Variants in IL17RD observed in about 807,000 individuals in gnomAD.
The protein encoded by IL17RD is interleukin-17 receptor D.
Under a neutral mutation model 80.5 loss-of-function variants are expected in IL17RD, and 52 were observed. That is an observed-to-expected ratio of 0.65 (90% CI 0.52 to 0.81). The LOEUF is 0.81. Ranked by LOEUF, IL17RD falls within the 40% of genes least tolerant of loss-of-function variation. The pLI, the probability that IL17RD is intolerant of heterozygous loss-of-function variation, is 0.00. For missense variants in IL17RD, 1,024 were observed against 955.1 expected (o/e 1.07, Z -0.95); for synonymous variants, 416 against 391.8 (o/e 1.06, Z -0.73).
rs758077492 is a variant in IL17RD at position 57,114,801 on chromosome 3, C to G, written c.201G>C (p.Leu67Phe). 31 of 1,605,774 alleles carry G rather than the reference C, an allele frequency of 1.9e-5. No homozygotes were observed. The highest frequency in any genetic ancestry group is 2.6e-5 in the Non-Finnish European group (31 of 1,176,782). The change falls in exon 3 of 13, where the codon TTG (leucine) becomes TTC (phenylalanine). Residue 67 changes from leucine to phenylalanine, a missense_variant. By Grantham distance (22) the Leu-to-Phe change is conservative. Coordinates refer to ENST00000296318, the MANE Select transcript of IL17RD (RefSeq NM_017563.5). ...TFKYDNCTTYLNPVGKHVIAD... is the reference protein window; with the variant it reads ...TFKYDNCTTYFNPVGKHVIAD... Reference sequence around the variant, plus strand: ...CAATCACATGCTTCCCCACTGGATTCAAGTAGGTGGTACAATCTAGAGAGT... The same window carrying G: ...CAATCACATGCTTCCCCACTGGATTGAAGTAGGTGGTACAATCTAGAGAGT...
At chr3:57,132,180 T>C (rs1707623534) in intron 1 of IL17RD, among the ~76,000 whole-genome samples, 1 of 150,216 alleles carries the variant, frequency 6.7e-6, no homozygotes, top group Non-Finnish European at 1.5e-5. Context: ...AGCAAGACAC[T>C]GTAAAAGAAG....
intron 1 of IL17RD, among the ~76,000 whole-genome samples, chr3:57,136,695 GC>G: frequency 1.5e-5 from 2 of 130,266 alleles, no homozygotes; most frequent in Non-Finnish European, 3.1e-5. Context: ...TATTTAACTT[GC>G]TTTTAGGATT....
chr3:57,148,324 CAAAAAAAAA>C (rs34343372), intron 1 of IL17RD, among the ~76,000 whole-genome samples: 1 of 104,074 alleles, frequency 9.6e-6, no homozygotes, highest in Non-Finnish European at 2.0e-5. Flanking sequence ...GACTCTATCT[CAAAAAAAAA>C]AAAAAAAGAA....
chr3:57,163,823 G>T (rs1468105929), intron 1 of IL17RD, among the ~76,000 whole-genome samples: 1 of 145,098 alleles, frequency 6.9e-6, no homozygotes, highest in African/African-American at 2.6e-5. Flanking sequence ...GGGGGCGGAG[G>T]CAGAGCAGGG....
At chr3:57,140,318 G>T (rs955405401) in intron 1 of IL17RD, among the ~76,000 whole-genome samples, 18 of 152,078 alleles carry the variant, frequency 1.2e-4, no homozygotes, top group African/African-American at 4.3e-4. Flanking sequence ...TCTAAATCAG[G>T]TCATTTTTTT....
At position 57,121,807 on chromosome 3, in the gene IL17RD, C is replaced by T. The variant is rs78859590; in HGVS notation, c.127-1494G>A. On this transcript the variant is annotated intron_variant, in intron 1 of 12. Coordinates refer to ENST00000296318, the MANE Select transcript of IL17RD (RefSeq NM_017563.5). The stretch of plus-strand genomic sequence containing the variant: ...ACACAACCAGGTAGGAGACCAGGAA[C>T]GAGACAATCCAATCCCCCAAGACCA... Among the ~76,000 whole-genome samples, 685 of 152,254 alleles carry T rather than the reference C, an allele frequency of 4.5e-3. 3 individuals carry two copies. Among genetic ancestry groups the T allele is most frequent in the Admixed American group, 7.1e-3 (108 of 15,294 alleles).
rs1056559116 is a variant in IL17RD at position 57,091,551 on chromosome 3, T to G, written c.*4842A>C. The G allele has an allele frequency of 6.6e-6, 1 of 152,542 alleles. No individual in the cohort carries two copies. The highest frequency in any genetic ancestry group is 2.4e-5 in the African/African-American group (1 of 41,400). 9.4% of individuals were successfully genotyped at this position (152,542 alleles called of 1,614,324 possible). A position where few individuals can be genotyped will look rare whatever the true frequency, so the allele number is the denominator to read the frequency against. On this transcript the variant is annotated 3_prime_UTR_variant, in exon 13 of 13. Transcript: ENST00000296318. Reference sequence around the variant, plus strand: ...AACTAAGTGTGAAGCTGAGAAACATTACAGCAGTGAAAATTATTAGGCCCC... The same window carrying G: ...AACTAAGTGTGAAGCTGAGAAACATGACAGCAGTGAAAATTATTAGGCCCC...
chr3:57,147,559 G>C (rs567030908), intron 1 of IL17RD, among the ~76,000 whole-genome samples: 54 of 152,226 alleles, frequency 3.5e-4, no homozygotes, highest in African/African-American at 1.2e-3. Flanking sequence ...AAACCAAAAC[G>C]GCAAGGGAGA....
At chr3:57,126,580 T>G (rs1196274608) in intron 1 of IL17RD, among the ~76,000 whole-genome samples, 7 of 152,216 alleles carry the variant, frequency 4.6e-5, no homozygotes, top group African/African-American at 1.4e-4. Context: ...TGAGGGGCCT[T>G]TGGGCATTCT....
At position 57,098,154 on chromosome 3, in the gene IL17RD, C is replaced by T. The variant is rs750194565; in HGVS notation, c.1549G>A (p.Gly517Ser). Residue 517 changes from glycine (G) to serine (S), a missense_variant, in exon 12 of 13, where the codon GGC (glycine) becomes AGC (serine). By Grantham distance (56) the Gly-to-Ser change is moderately conservative. Transcript: ENST00000296318. ...GTGTGCTGCCCCGGCTCCTGGAGGC[C>T]GTGGTCTCGGGAGTGCAAGTGGGAA... is the stretch of plus-strand genomic sequence containing the variant. ...LCSHLHSRDH[G>S]LQEPGQHTRQ... is the part of the protein sequence containing the mutation. 6 of 1,613,848 alleles carry T rather than the reference C, an allele frequency of 3.7e-6. No homozygotes were observed. The Admixed American group carries it at 6.7e-5, about 18-fold the overall frequency.
chr3:57,161,465 T>C (rs1182232900), intron 1 of IL17RD, among the ~76,000 whole-genome samples: 2 of 152,250 alleles, frequency 1.3e-5, no homozygotes, highest in Non-Finnish European at 2.9e-5. Context: ...TTGCCTTAAA[T>C]GGGAAACTTG....
chr3:57,116,344 C>T (rs1707216506), intron 2 of IL17RD, among the ~76,000 whole-genome samples: 1 of 146,534 alleles, frequency 6.8e-6, no homozygotes, highest in Non-Finnish European at 1.5e-5. Flanking sequence ...AGTGCAATGG[C>T]GCAATCTCGG....
At position 57,098,122 on chromosome 3, in the gene IL17RD, C is replaced by T. The variant is rs1338380203; in HGVS notation, c.1581G>A (p.Gln527=). 6.2e-7 allele frequency: 1 copy of T among 1,613,896 alleles called. No individual in the cohort carries two copies. The highest frequency in any genetic ancestry group is 8.5e-7 in the Non-Finnish European group (1 of 1,179,896). ...GLQEPGQHTR[Q]GSRRNYFRSK... ...TCCGGAAGTAGTTCCTTCTGCTGCCCTGTCGCGTGTGCTGCCCCGGCTCCT... is the reference window on the plus strand; with the variant it reads ...TCCGGAAGTAGTTCCTTCTGCTGCCTTGTCGCGTGTGCTGCCCCGGCTCCT... Residue 527 remains glutamine, a synonymous_variant, in exon 12 of 13, where the codon CAG becomes CAA. Transcript: ENST00000296318.
At chr3:57,118,375 T>C (rs1415441208) in intron 2 of IL17RD, among the ~76,000 whole-genome samples, 2 of 152,258 alleles carry the variant, frequency 1.3e-5, no homozygotes, top group African/African-American at 2.4e-5. Flanking sequence ...TTAAAATTGT[T>C]AGATTGTAAC....
intron 3 of IL17RD, 93 bp downstream of exon 3, chr3:57,114,599 C>T: frequency 1.6e-6 from 2 of 1,239,194 alleles, no homozygotes; most frequent in South Asian, 3.4e-5. Context: ...CACATCAAGA[C>T]CTGCCTGGTT....
At chr3:57,104,163 TGAA>T (rs1439033173) in intron 8 of IL17RD, among the ~76,000 whole-genome samples, 176 bp downstream of exon 8, 1 of 151,804 alleles carries the variant, frequency 6.6e-6, no homozygotes, top group Non-Finnish European at 1.5e-5. Flanking sequence ...AAATATTTAA[TGAA>T]GAGATCAAAA....
intron 3 of IL17RD, among the ~76,000 whole-genome samples, chr3:57,113,705 AT>A (rs1707148356): frequency 6.6e-6 from 1 of 151,842 alleles, no homozygotes; most frequent in Admixed American, 6.6e-5. Flanking sequence ...TGCCCGGATA[AT>A]TTTTTAATCT....
chr3:57,136,983 A>G (rs1707744662), intron 1 of IL17RD, among the ~76,000 whole-genome samples: 1 of 152,194 alleles, frequency 6.6e-6, no homozygotes, highest in Admixed American at 6.5e-5. Context: ...GACAAGGGGT[A>G]ATTGAACAGA....
At chr3:57,169,236 C>T (rs1445271738), upstream of IL17RD, 1 of 518,930 alleles carries the variant, frequency 1.9e-6, no homozygotes, top group South Asian at 1.4e-5. Flanking sequence ...TCTCACCTGC[C>T]AAGGCCAGGA....
Sources: allele counts gnomAD v4.1 joint callset (sites outside exome capture counted in the v4.1 genomes callset), GRCh38; gene constraint gnomAD v4.1.1; transcripts MANE v1.5; gene names NCBI Gene and HGNC (gene_info 2026-07-23, HGNC 2026-07-21).